The following PCDH15 variants were observed in gnomAD, a reference collection of about 807,000 sequenced individuals.
PCDH15 encodes protocadherin-15.
A neutral mutation model predicts 178.5 loss-of-function variants in PCDH15; 129 were observed. The ratio of observed to expected loss-of-function variants is 0.72; its 90% confidence interval spans 0.63 to 0.84. The LOEUF is 0.84. Ranked by LOEUF, PCDH15 falls within the 40% of genes least tolerant of loss-of-function variation. The pLI, the probability that PCDH15 is intolerant of heterozygous loss-of-function variation, is 0.00. For missense variants in PCDH15, 2,230 were observed against 2,099.9 expected (o/e 1.06, Z -1.21); for synonymous variants, 800 against 732.0 (o/e 1.09, Z -1.50).
At chr10:55,208,898 G>A (rs1840481964) in intron 1 of PCDH15, among the ~76,000 whole-genome samples, 1 of 151,984 alleles carries the variant, frequency 6.6e-6, no homozygotes, top group African/African-American at 2.4e-5. Flanking sequence ...TTATATCAAG[G>A]AGATACAGTA....
At chr10:54,736,637 A>G (rs527923679) in intron 1 of PCDH15, among the ~76,000 whole-genome samples, 13 of 152,256 alleles carry the variant, frequency 8.5e-5, no homozygotes, top group African/African-American at 3.1e-4. Flanking sequence ...GTATGAGTTT[A>G]GTAAGATATA....
chr10:53,912,031 G>A (rs1008729076), intron 25 of PCDH15, among the ~76,000 whole-genome samples: 6 of 152,074 alleles, frequency 3.9e-5, no homozygotes, highest in South Asian at 2.1e-4. Flanking sequence ...GATGAACATC[G>A]ATGTGAAAAT....
At chr10:54,647,982 C>T (rs1371356510) in intron 2 of PCDH15, among the ~76,000 whole-genome samples, 4 of 152,142 alleles carry the variant, frequency 2.6e-5, no homozygotes, top group African/African-American at 9.7e-5. Flanking sequence ...TATATTTCCT[C>T]TTCCTCCATT....
At position 55,291,564 on chromosome 10, in the gene PCDH15, T is replaced by C. The variant is rs377248998; in HGVS notation, c.-156+28035A>G. Reference sequence around the variant, plus strand: ...GATTAAATAAGTGAAATCCCTGGAATTTTTGACCAATAGCAGATGTCTTTA... The same window carrying C: ...GATTAAATAAGTGAAATCCCTGGAACTTTTGACCAATAGCAGATGTCTTTA... On this transcript the variant is annotated intron_variant, in intron 1 of 5. Coordinates refer to the PCDH15 transcript ENST00000458638. 3.9e-5 allele frequency among the ~76,000 whole-genome samples: 6 copies of C among 152,308 alleles called. No individual in the cohort carries two copies. In the East Asian group the frequency reaches 5.8e-4, roughly 15 times the overall value.
chr10:54,129,124 T>C lies in PCDH15; in HGVS notation c.1917+3751A>G, dbSNP rs541565803. Among the ~76,000 whole-genome samples, 66 of 152,272 alleles carry C rather than the reference T, an allele frequency of 4.3e-4. 1 individual carries two copies. In the South Asian group the frequency reaches 0.013, roughly 31 times the overall value. On this transcript the variant is annotated intron_variant, in intron 15 of 37. Transcript: ENST00000644397. Reference sequence around the variant, plus strand: ...TTCATTTTCCCGATAATAATGATAATAAGATCGACCTGTTTGTTAGGGTCA... The same window carrying C: ...TTCATTTTCCCGATAATAATGATAACAAGATCGACCTGTTTGTTAGGGTCA...
At chr10:54,544,962 A>G (rs1459399323) in intron 2 of PCDH15, among the ~76,000 whole-genome samples, 2 of 152,206 alleles carry the variant, frequency 1.3e-5, no homozygotes, top group African/African-American at 4.8e-5. Context: ...TTTTTCAATT[A>G]TCATAATCAG....
intron 9 of PCDH15, among the ~76,000 whole-genome samples, chr10:54,231,698 G>A (rs1190937307): frequency 6.6e-6 from 1 of 152,216 alleles, no homozygotes; most frequent in Non-Finnish European, 1.5e-5. Context: ...AATACCCAAG[G>A]CCTTGGGAGC....
intron 3 of PCDH15, among the ~76,000 whole-genome samples, chr10:54,516,601 G>A: frequency 6.6e-6 from 1 of 152,210 alleles, no homozygotes; most frequent in East Asian, 1.9e-4. Context: ...ACCTGAAAGT[G>A]ACGGGGAGAA....
chr10:55,365,323 C>T (rs1845328409), intron 2 of PCDH15, among the ~76,000 whole-genome samples: 1 of 152,086 alleles, frequency 6.6e-6, no homozygotes, highest in African/African-American at 2.4e-5. Context: ...TATAACAAGA[C>T]CCTGTGGTTT....
intron 2 of PCDH15, among the ~76,000 whole-genome samples, chr10:54,547,613 C>T (rs1027809756): frequency 5.3e-5 from 8 of 152,018 alleles, no homozygotes; most frequent in Middle Eastern, 3.2e-3. Context: ...ATGTATATAC[C>T]TTTAGGGAAA....
At chr10:55,312,300 A>G (rs1843603497) in intron 1 of PCDH15, among the ~76,000 whole-genome samples, 1 of 152,280 alleles carries the variant, frequency 6.6e-6, no homozygotes, top group Non-Finnish European at 1.5e-5. Context: ...ATGCAATGGT[A>G]AAGGGTATCA....
intron 3 of PCDH15, among the ~76,000 whole-genome samples, chr10:54,823,436 A>G (rs1272909623): frequency 6.6e-6 from 1 of 152,126 alleles, no homozygotes; most frequent in Non-Finnish European, 1.5e-5. Flanking sequence ...AGCTTGTAAC[A>G]CTGGTAACAT....
chr10:54,463,382 A>C (rs12772437), intron 3 of PCDH15, among the ~76,000 whole-genome samples: 1 of 152,178 alleles, frequency 6.6e-6, no homozygotes, highest in Non-Finnish European at 1.5e-5. Context: ...AATGGCTATT[A>C]CTTATCAGTA....
chr10:54,066,049 C>A (rs1279222227), intron 18 of PCDH15, among the ~76,000 whole-genome samples: 1 of 152,182 alleles, frequency 6.6e-6, no homozygotes, highest in Non-Finnish European at 1.5e-5. Flanking sequence ...AACCAAGATT[C>A]TTTCCTCCCC....
intron 2 of PCDH15, among the ~76,000 whole-genome samples, chr10:55,029,754 T>C (rs918777237): frequency 3.3e-5 from 5 of 152,130 alleles, no homozygotes; most frequent in African/African-American, 1.2e-4. Flanking sequence ...GTTTAATTCT[T>C]GACACTTCTA....
chr10:54,668,776 A>G (rs1326244047), intron 1 of PCDH15, among the ~76,000 whole-genome samples: 1 of 152,156 alleles, frequency 6.6e-6, no homozygotes, highest in African/African-American at 2.4e-5. Context: ...CTTTCTTGAG[A>G]TACCAAAACT....
chr10:53,941,533 G>A lies in PCDH15; in HGVS notation c.3123-558C>T, dbSNP rs75817552. 9.5e-4 allele frequency among the ~76,000 whole-genome samples: 145 copies of A among 152,052 alleles called. 2 individuals are homozygous for A. Among genetic ancestry groups the A allele is most frequent in the East Asian group, 4.1e-3 (21 of 5,160 alleles). On this transcript the variant is annotated intron_variant, in intron 23 of 37. Transcript: ENST00000644397. ...TTTTTAGCACTACATAATATTTCGC[G>A]GTCTGAATGTACCCACAGTTTATTT... is the stretch of plus-strand genomic sequence containing the variant.
At chr10:53,981,156 A>C (rs2134611664) in intron 21 of PCDH15, among the ~76,000 whole-genome samples, 1 of 152,322 alleles carries the variant, frequency 6.6e-6, no homozygotes, top group East Asian at 1.9e-4. Flanking sequence ...AGGCGAGAAT[A>C]ATTAATATAG....
intron 3 of PCDH15, among the ~76,000 whole-genome samples, chr10:54,405,884 A>C (rs1218995194): frequency 1.3e-5 from 2 of 151,972 alleles, no homozygotes; most frequent in African/African-American, 4.8e-5. Context: ...CTTTTAAAAA[A>C]GAAAAAGTAT....
Sources: allele counts gnomAD v4.1 joint callset (sites outside exome capture counted in the v4.1 genomes callset), GRCh38; gene constraint gnomAD v4.1.1; transcripts MANE v1.5; gene names NCBI Gene and HGNC (gene_info 2026-07-23, HGNC 2026-07-21).